The following LRRTM4 variants were observed in gnomAD, a reference collection of about 807,000 sequenced individuals.
LRRTM4 encodes leucine-rich repeat transmembrane neuronal protein 4.
In LRRTM4, 25 loss-of-function variants were observed where a neutral mutation model predicts 47.6. The ratio of observed to expected loss-of-function variants is 0.53; its 90% CI spans 0.38 to 0.73. The LOEUF (loss-of-function observed/expected upper bound fraction) is 0.73. Ranked by LOEUF, LRRTM4 falls within the 30% of genes least tolerant of loss-of-function variation. The probability of loss-of-function intolerance (pLI) is 0.00; values close to 1 mark genes in which losing one functional copy is unlikely to be tolerated. For synonymous variants in LRRTM4, 311 were observed against 269.5 expected (o/e 1.15, Z -1.51); for missense variants, 638 against 713.4 (o/e 0.89, Z 1.20).
chr2:77,473,576 C>A (rs1344984590), intron 3 of LRRTM4, among the ~76,000 whole-genome samples: 17 of 152,080 alleles, frequency 1.1e-4, no homozygotes, highest in Admixed American at 1.1e-3. Context: ...TGCAGCTTGA[C>A]AACTGTGACA....
chr2:76,771,407 C>G (rs540772511), intron 3 of LRRTM4, among the ~76,000 whole-genome samples: 1 of 152,190 alleles, frequency 6.6e-6, no homozygotes, highest in South Asian at 2.1e-4. Context: ...AAGATTGAAG[C>G]AAAATCCCAT....
intron 3 of LRRTM4, among the ~76,000 whole-genome samples, chr2:77,204,157 C>T (rs1225456657): frequency 6.6e-6 from 1 of 152,074 alleles, no homozygotes; most frequent in Admixed American, 6.6e-5. Flanking sequence ...GAGTCCAGTG[C>T]AAACATCACA....
intron 3 of LRRTM4, among the ~76,000 whole-genome samples, chr2:76,902,545 G>C (rs1301621545): frequency 6.6e-6 from 1 of 152,182 alleles, no homozygotes; most frequent in Non-Finnish European, 1.5e-5. Context: ...TGGAATGTTA[G>C]AAATTTGGGG....
At chr2:77,210,628 G>A (rs908043578) in intron 3 of LRRTM4, among the ~76,000 whole-genome samples, 11 of 151,852 alleles carry the variant, frequency 7.2e-5, no homozygotes, top group African/African-American at 2.2e-4. Flanking sequence ...CAGCTGATTC[G>A]TGGTGGAAAT....
At chr2:76,872,063 G>T (rs1672639285) in intron 3 of LRRTM4, among the ~76,000 whole-genome samples, 1 of 152,152 alleles carries the variant, frequency 6.6e-6, no homozygotes, top group Non-Finnish European at 1.5e-5. Flanking sequence ...AGCAACGGTA[G>T]GGTAATGAGT....
chr2:76,849,346 A>T (rs1671925992), intron 3 of LRRTM4, among the ~76,000 whole-genome samples: 1 of 152,062 alleles, frequency 6.6e-6, no homozygotes, highest in Non-Finnish European at 1.5e-5. Context: ...GCATAATCTC[A>T]CTTCTTGAAA....
intron 3 of LRRTM4, among the ~76,000 whole-genome samples, chr2:77,438,632 T>A (rs1675708578): frequency 6.6e-6 from 1 of 152,100 alleles, no homozygotes. Flanking sequence ...GGTCTCGATC[T>A]CCTGACCTCG....
At chr2:77,373,084 A>ATATATATATATATAT (rs1553435852) in intron 3 of LRRTM4, among the ~76,000 whole-genome samples, 1 of 127,256 alleles carries the variant, frequency 7.9e-6, no homozygotes, top group South Asian at 2.9e-4. Context: ...ACAATTAAAA[A>ATATATATATATATAT]AAAAATATAT....
At chr2:77,219,053 CA>C in intron 3 of LRRTM4, among the ~76,000 whole-genome samples, 1 of 152,240 alleles carries the variant, frequency 6.6e-6, no homozygotes, top group Non-Finnish European at 1.5e-5. Context: ...ACTTTTGCTA[CA>C]AAATTCTTTC....
intron 3 of LRRTM4, among the ~76,000 whole-genome samples, chr2:76,981,155 C>T (rs1207259534): frequency 6.6e-6 from 1 of 152,064 alleles, no homozygotes; most frequent in Non-Finnish European, 1.5e-5. Flanking sequence ...TGATAGTGTT[C>T]ATTCATTCGT....
chr2:77,102,835 G>A (rs937836554), intron 3 of LRRTM4, among the ~76,000 whole-genome samples: 1 of 152,100 alleles, frequency 6.6e-6, no homozygotes, highest in African/African-American at 2.4e-5. Flanking sequence ...GTCTGCTTTT[G>A]CTAATAAAGT....
At chr2:76,842,222 C>T (rs1005055417) in intron 3 of LRRTM4, among the ~76,000 whole-genome samples, 4 of 152,128 alleles carry the variant, frequency 2.6e-5, no homozygotes, top group Admixed American at 6.5e-5. Context: ...CTGCAGGCCT[C>T]GGTGCTTCTG....
intron 3 of LRRTM4, among the ~76,000 whole-genome samples, chr2:76,988,440 C>A (rs1344239203): frequency 6.6e-6 from 1 of 151,720 alleles, no homozygotes; most frequent in East Asian, 1.9e-4. Flanking sequence ...ATTTGTTCTC[C>A]ATAAAGTTGC....
chr2:77,441,668 T>G (rs1573419192), intron 3 of LRRTM4, among the ~76,000 whole-genome samples: 1 of 152,202 alleles, frequency 6.6e-6, no homozygotes, highest in Non-Finnish European at 1.5e-5. Context: ...AGATACATAG[T>G]TGATATATAG....
At chr2:77,278,194 A>G (rs1676413602) in intron 3 of LRRTM4, among the ~76,000 whole-genome samples, 3 of 151,896 alleles carry the variant, frequency 2.0e-5, no homozygotes, top group African/African-American at 2.4e-5. Context: ...TTAATCAACA[A>G]TGTCACCATG....
At chr2:77,495,676 A>C (rs1179754909) in intron 3 of LRRTM4, among the ~76,000 whole-genome samples, 1 of 151,994 alleles carries the variant, frequency 6.6e-6, no homozygotes, top group Non-Finnish European at 1.5e-5. Flanking sequence ...CACTTTTGTC[A>C]AAGATCAGTT....
chr2:76,859,713 A>C (rs1672257253), intron 3 of LRRTM4, among the ~76,000 whole-genome samples: 1 of 152,144 alleles, frequency 6.6e-6, no homozygotes, highest in Non-Finnish European at 1.5e-5. Flanking sequence ...TTTTACTTGA[A>C]GTTTCCTAGC....
intron 3 of LRRTM4, among the ~76,000 whole-genome samples, chr2:77,164,818 G>A (rs916042660): frequency 2.0e-5 from 3 of 152,192 alleles, no homozygotes; most frequent in African/African-American, 4.8e-5. Context: ...AAAGCAGTGT[G>A]TAGAGGGAAA....
chr2:77,099,323 A>G (rs1366469444), intron 3 of LRRTM4, among the ~76,000 whole-genome samples: 1 of 152,020 alleles, frequency 6.6e-6, no homozygotes. Flanking sequence ...GTCAAAATAA[A>G]TACATCTCAC....
Sources: gnomAD v4.1 joint callset for allele counts (sites outside exome capture counted in the v4.1 genomes callset) on GRCh38, gnomAD v4.1.1 for gene constraint, MANE v1.5 for transcripts, NCBI Gene and HGNC (gene_info 2026-07-23, HGNC 2026-07-21) for gene names.